Variants in UBE2N observed in about 807,000 individuals in gnomAD.
UBE2N encodes ubiquitin conjugating enzyme E2 N, also known as ubiquitin-conjugating enzyme E2 N.
For missense variants in UBE2N, 60 were observed against 192.1 expected (o/e 0.31, Z 4.07); for synonymous variants, 70 against 69.2 (o/e 1.01, Z -0.06).
chr12:93,414,997 G>A lies in UBE2N; in HGVS notation c.31-3698C>T, dbSNP rs190994934. On this transcript the variant is annotated intron_variant, in intron 1 of 3. Transcript: ENST00000318066. ...ATGTTATGAAAAGAGGGAAATAAAC[G>A]ATCAGAATTTCATCGTTAACATCAT... Among the ~76,000 whole-genome samples the A allele has an allele frequency of 4.5e-3, 687 of 152,200 alleles. 4 individuals are homozygous for A. Among genetic ancestry groups the A allele is most frequent in the South Asian group, 0.011 (52 of 4,822 alleles).
intron 1 of UBE2N, among the ~76,000 whole-genome samples, chr12:93,414,448 CAAAAAAAAAA>C (rs398020640): frequency 4.1e-5 from 3 of 73,988 alleles, no homozygotes; most frequent in African/African-American, 1.3e-4. Context: ...AGCTCCGTCT[CAAAAAAAAAA>C]AAAAAAAAAA....
chr12:93,432,266 C>T (rs980842814), intron 1 of UBE2N, among the ~76,000 whole-genome samples: 1 of 152,040 alleles, frequency 6.6e-6, no homozygotes, highest in Non-Finnish European at 1.5e-5. Flanking sequence ...CTTTCTTGTT[C>T]ACCTGGCTTA....
rs764348017 is a variant in UBE2N, at chr12:93,411,165, T to C, written c.165A>G (p.Glu55=). The change falls in exon 2 of 4, where the codon GAA becomes GAG. Residue 55 remains glutamate, a synonymous_variant. Transcript: ENST00000318066. ...TTGGGTATTCTTCTGGAAGGAATAG[T>C]TCAAGTTTAAAAGTCCCTCCCTCAA... ...SPFEGGTFKL[E]LFLPEEYPMA... is the part of the protein sequence containing the mutation. The C allele has an allele frequency of 6.2e-7, 1 of 1,614,218 alleles. No individual in the cohort carries two copies. Among genetic ancestry groups the C allele is most frequent in the South Asian group, 1.1e-5 (1 of 91,082 alleles).
intron 1 of UBE2N, among the ~76,000 whole-genome samples, chr12:93,440,388 A>G (rs1879064260): frequency 1.3e-5 from 2 of 152,246 alleles, no homozygotes; most frequent in African/African-American, 4.8e-5. Context: ...GAAGATTCAC[A>G]TTATTAGACT....
rs755243379 is a variant in UBE2N, at chr12:93,410,416, A to G, written c.418+318T>C. The G allele has an allele frequency of 1.8e-5, 9 of 504,304 alleles. No homozygotes were observed. In the South Asian group the frequency reaches 1.8e-4, roughly 10 times the overall value. The allele number at this position is 504,304 out of a possible 1,614,324, so 31.2% of individuals were successfully genotyped here. A position where few individuals can be genotyped will look rare whatever the true frequency, so the allele number is the denominator to read the frequency against. ...GTAGCCATAAACAGCTGAATACTTT[A>G]ATCAAATGGGTTACAAAAACAGTTC... On this transcript the variant is annotated intron_variant, in intron 3 of 3. Coordinates refer to ENST00000318066, the MANE Select transcript of UBE2N (RefSeq NM_003348.4).
rs1878275779 is a variant in UBE2N, at chr12:93,418,011, T to C, written c.31-6712A>G. Among the ~76,000 whole-genome samples the C allele has an allele frequency of 3.3e-5, 5 of 152,244 alleles. No homozygotes were observed. The South Asian group carries it at 1.0e-3, about 32-fold the overall frequency. Reference sequence around the variant, plus strand: ...ATAAGTGGGCATTTTTATTTATCACTTTTTTTGTAGAGATGGGTTTCTCTA... The same window carrying C: ...ATAAGTGGGCATTTTTATTTATCACCTTTTTTGTAGAGATGGGTTTCTCTA... On this transcript the variant is annotated intron_variant, in intron 1 of 3. Transcript: ENST00000318066.
chr12:93,437,628 CT>C lies in UBE2N; in HGVS notation c.30+4226del, dbSNP rs544958455. ...CATGGCCAACATGGTGAAACCCCAT[CT>C]CTACTAAAAATTAGCCAGGTGTGGT... On this transcript the variant is annotated intron_variant, in intron 1 of 3. Transcript: ENST00000318066. Among the ~76,000 whole-genome samples, 7 of 152,226 alleles carry C rather than the reference CT, an allele frequency of 4.6e-5. No homozygotes were observed. In the South Asian group the frequency reaches 1.5e-3, roughly 32 times the overall value.
intron 1 of UBE2N, among the ~76,000 whole-genome samples, chr12:93,430,380 G>A (rs907843478): frequency 2.0e-5 from 3 of 152,056 alleles, no homozygotes; most frequent in Admixed American, 1.3e-4. Context: ...TAACTCCATC[G>A]TTAAGTGATT....
chr12:93,415,121 ATTTATT>A (rs1020686645), intron 1 of UBE2N, among the ~76,000 whole-genome samples: 1 of 152,128 alleles, frequency 6.6e-6, no homozygotes, highest in Admixed American at 6.5e-5. Flanking sequence ...TTCTACTTAT[ATTTATT>A]TTTAACCAGA....
intron 2 of UBE2N, 26 bp downstream of exon 2, chr12:93,411,027 C>CAT (rs758976146): frequency 1.9e-6 from 3 of 1,613,896 alleles, no homozygotes; most frequent in Admixed American, 3.3e-5. Context: ...TTAATAATAG[C>CAT]ATATGCTGAT....
chr12:93,431,955 TG>T (rs765460821), intron 1 of UBE2N, among the ~76,000 whole-genome samples: 30 of 152,238 alleles, frequency 2.0e-4, no homozygotes, highest in Admixed American at 7.9e-4. Flanking sequence ...CTTCCTCGGC[TG>T]GGCGCGGTGG....
At chr12:93,415,636 T>C (rs1878183450) in intron 1 of UBE2N, among the ~76,000 whole-genome samples, 1 of 152,024 alleles carries the variant, frequency 6.6e-6, no homozygotes, top group East Asian at 1.9e-4. Context: ...AGTAGAAAAA[T>C]GAGAAAATAA....
At chr12:93,410,242 G>A in intron 3 of UBE2N, 163 bp from the exon 4 acceptor site, 1 of 615,636 alleles carries the variant, frequency 1.6e-6, no homozygotes, top group Middle Eastern at 3.8e-4. Context: ...GAAAGATTTT[G>A]TAAATGTCCA....
At chr12:93,433,636 T>C (rs1878835057) in intron 1 of UBE2N, among the ~76,000 whole-genome samples, 1 of 152,222 alleles carries the variant, frequency 6.6e-6, no homozygotes, top group Non-Finnish European at 1.5e-5. Flanking sequence ...ATTTATTTTG[T>C]TTTTAGAAAG....
chr12:93,414,491 G>A (rs1878140309), intron 1 of UBE2N, among the ~76,000 whole-genome samples: 1 of 150,256 alleles, frequency 6.7e-6, no homozygotes, highest in Non-Finnish European at 1.5e-5. Flanking sequence ...CTTGTAATGG[G>A]CCCCCAAAAG....
chr12:93,410,519 G>C (rs1878002639), intron 3 of UBE2N: 1 of 649,064 alleles, frequency 1.5e-6, no homozygotes, highest in African/African-American at 1.8e-5. Context: ...GTAGTTACAA[G>C]AGACTCCAAG....
intron 1 of UBE2N, chr12:93,429,207 T>G (rs144648186): frequency 2.9e-6 from 1 of 339,624 alleles, no homozygotes; most frequent in Non-Finnish European, 5.6e-6. Context: ...GAGGCGGAGG[T>G]TGCAGTGAGC....
At chr12:93,439,499 A>G (rs1879038433) in intron 1 of UBE2N, among the ~76,000 whole-genome samples, 1 of 152,186 alleles carries the variant, frequency 6.6e-6, no homozygotes, top group African/African-American at 2.4e-5. Flanking sequence ...CAGAAAGAAA[A>G]GAAGAAAGTC....
In UBE2N at chr12:93,408,488, G is replaced by A. The variant is rs1283014122; in HGVS notation, c.*1551C>T. On this transcript the variant is annotated 3_prime_UTR_variant, in exon 4 of 4. Coordinates refer to ENST00000318066, the MANE Select transcript of UBE2N (RefSeq NM_003348.4). Reference sequence around the variant, plus strand: ...GAATAAGAGTGAAGAAAATTCAAATGGGCTACAATATCCATTACCTTAAAC... The same window carrying A: ...GAATAAGAGTGAAGAAAATTCAAATAGGCTACAATATCCATTACCTTAAAC... The A allele has an allele frequency of 6.6e-6, 1 of 152,124 alleles. No individual in the cohort carries two copies. Among genetic ancestry groups the A allele is most frequent in the Non-Finnish European group, 1.5e-5 (1 of 68,030 alleles). 9.4% of individuals were successfully genotyped at this position (152,124 alleles called of 1,614,324 possible).
Sources: allele counts gnomAD v4.1 joint callset (sites outside exome capture counted in the v4.1 genomes callset), GRCh38; gene constraint gnomAD v4.1.1; transcripts MANE v1.5; gene names NCBI Gene and HGNC (gene_info 2026-07-23, HGNC 2026-07-21).